KCNJ3: variants seen among roughly 807,000 people sequenced by gnomAD.
The protein encoded by KCNJ3 is G protein-activated inward rectifier potassium channel 1.
A neutral mutation model predicts 39.2 loss-of-function variants in KCNJ3; 4 were observed. The ratio of observed to expected loss-of-function variants is 0.10; its 90% CI spans 0.05 to 0.23. The LOEUF (loss-of-function observed/expected upper bound fraction) is 0.23, where lower values mean the gene tolerates loss of function less well. Ranked by LOEUF, KCNJ3 falls within the 10% of genes least tolerant of loss-of-function variation. The pLI is 1.00. For synonymous variants in KCNJ3, 230 were observed against 237.4 expected, an observed-to-expected ratio of 0.97 and a Z score of 0.29; for missense variants, 276 against 634.9, an observed-to-expected ratio of 0.43 and a Z score of 6.08.
intron 2 of KCNJ3, among the ~76,000 whole-genome samples, chr2:154,788,797 G>A (rs1300961300): frequency 1.3e-5 from 2 of 151,052 alleles, no homozygotes; most frequent in Non-Finnish European, 3.0e-5. Context: ...AAGAAACTCA[G>A]GTGTAAGAAT....
At chr2:154,732,032 T>A (rs917496255) in intron 2 of KCNJ3, among the ~76,000 whole-genome samples, 1 of 152,034 alleles carries the variant, frequency 6.6e-6, no homozygotes, top group Admixed American at 6.6e-5. Flanking sequence ...TTCCCCATAT[T>A]TGTAAATGAG....
At position 154,731,967 on chromosome 2, in the gene KCNJ3, C is replaced by T. The variant is rs1470257052; in HGVS notation, c.919+22148C>T. Among the ~76,000 whole-genome samples, 4 of 152,008 alleles carry T rather than the reference C, an allele frequency of 2.6e-5. No homozygotes were observed. In the East Asian group the frequency reaches 7.8e-4, roughly 29 times the overall value. The stretch of plus-strand genomic sequence containing the variant: ...ACGATGTGCCAGGGAAGAGACTAAA[C>T]ATGTTAAAATACACCTTTTGTTTAC... On this transcript the variant is annotated intron_variant, in intron 2 of 2. Coordinates refer to ENST00000295101, the MANE Select transcript of KCNJ3 (RefSeq NM_002239.4).
At chr2:154,790,518 T>C (rs1686611647) in intron 2 of KCNJ3, among the ~76,000 whole-genome samples, 1 of 152,116 alleles carries the variant, frequency 6.6e-6, no homozygotes, top group Non-Finnish European at 1.5e-5. Context: ...GTTGATAGGA[T>C]GATAGATACA....
intron 1 of KCNJ3, chr2:154,709,200 C>T (rs1685062670): frequency 5.1e-6 from 1 of 197,236 alleles, no homozygotes; most frequent in Admixed American, 5.3e-5. Flanking sequence ...TAACACACTC[C>T]ATAAGAATTG....
At chr2:154,797,114 G>A (rs760811151) in intron 2 of KCNJ3, among the ~76,000 whole-genome samples, 7 of 152,104 alleles carry the variant, frequency 4.6e-5, no homozygotes, top group Admixed American at 1.3e-4. Flanking sequence ...GCCATTGAGC[G>A]TTTACTGAGA....
At chr2:154,779,592 G>A (rs1272195363) in intron 2 of KCNJ3, among the ~76,000 whole-genome samples, 1 of 149,964 alleles carries the variant, frequency 6.7e-6, no homozygotes, top group African/African-American at 2.4e-5. Flanking sequence ...ATCCTAGGCT[G>A]GAGTGCAGTG....
intron 2 of KCNJ3, among the ~76,000 whole-genome samples, chr2:154,852,206 A>T (rs1296015108): frequency 6.6e-6 from 1 of 152,188 alleles, no homozygotes. Flanking sequence ...TGAAGTTTTT[A>T]AAATTAAAAA....
intron 1 of KCNJ3, chr2:154,709,271 C>A: frequency 2.9e-6 from 1 of 345,692 alleles, no homozygotes; most frequent in Non-Finnish European, 5.4e-6. Context: ...AGTTATCCTG[C>A]AGTGATTGCT....
intron 2 of KCNJ3, among the ~76,000 whole-genome samples, chr2:154,772,140 C>T (rs368472935): frequency 7.9e-5 from 12 of 152,034 alleles, no homozygotes; most frequent in African/African-American, 2.9e-4. Context: ...TGAGTGAAGC[C>T]GTAAAACAAC....
In KCNJ3 at chr2:154,857,280, G is replaced by T. The variant is rs536790956; in HGVS notation, c.*1967G>T. ...TATTTATCAGCAGTGGAAAAAAAGTGCATAGATCATTTAGTCCAAGAACTT... is the reference window on the plus strand; with the variant it reads ...TATTTATCAGCAGTGGAAAAAAAGTTCATAGATCATTTAGTCCAAGAACTT... On this transcript the variant is annotated 3_prime_UTR_variant, in exon 3 of 3. Coordinates refer to ENST00000295101, the MANE Select transcript of KCNJ3 (RefSeq NM_002239.4). The T allele has an allele frequency of 6.6e-6, 1 of 152,214 alleles. No individual in the cohort carries two copies. Among genetic ancestry groups the T allele is most frequent in the East Asian group, 1.9e-4 (1 of 5,156 alleles). 9.4% of individuals were successfully genotyped at this position (152,214 alleles called of 1,614,324 possible). A position where few individuals can be genotyped will look rare whatever the true frequency, so the allele number is the denominator to read the frequency against.
chr2:154,756,230 A>G (rs1553456951), intron 2 of KCNJ3, among the ~76,000 whole-genome samples: 1 of 152,156 alleles, frequency 6.6e-6, no homozygotes, highest in Non-Finnish European at 1.5e-5. Flanking sequence ...CTAGATAAAT[A>G]ATAATGATAA....
At chr2:154,774,772 T>C (rs1007731912) in intron 2 of KCNJ3, among the ~76,000 whole-genome samples, 3 of 152,218 alleles carry the variant, frequency 2.0e-5, no homozygotes, top group African/African-American at 7.2e-5. Flanking sequence ...GGATGTTACA[T>C]TTTTAAAGCT....
In KCNJ3 at chr2:154,699,300, C is replaced by T. The variant is rs1315915912; in HGVS notation, c.525C>T (p.Phe175=). Residue 175 remains phenylalanine, a synonymous_variant, in exon 1 of 3, where the codon TTC becomes TTT. Transcript: ENST00000295101. The surrounding 1 kb of genome is among the most constrained non-coding windows in gnomAD (Gnocchi z 6.4). ...QSILGSIVDA[F]LIGCMFIKMS... is the part of the protein sequence containing the mutation. ...TCCTGGGCTCCATCGTGGACGCCTT[C>T]CTCATCGGCTGCATGTTCATCAAGA... is the stretch of plus-strand genomic sequence containing the variant. 2 of 1,613,912 alleles carry T rather than the reference C, an allele frequency of 1.2e-6. No homozygotes were observed. The highest frequency in any genetic ancestry group is 1.7e-6 in the Non-Finnish European group (2 of 1,180,056).
At chr2:154,754,524 C>G (rs1685905273) in intron 2 of KCNJ3, among the ~76,000 whole-genome samples, 1 of 152,372 alleles carries the variant, frequency 6.6e-6, no homozygotes, top group East Asian at 1.9e-4. Context: ...ATCCACCCGC[C>G]TTGGCCTCCC....
chr2:154,793,225 A>G (rs1428954593), intron 2 of KCNJ3, among the ~76,000 whole-genome samples: 2 of 151,868 alleles, frequency 1.3e-5, no homozygotes, highest in Non-Finnish European at 2.9e-5. Flanking sequence ...TTTTTACTGT[A>G]TTTTTTCCCT....
chr2:154,803,078 T>A (rs1686847401), intron 2 of KCNJ3, among the ~76,000 whole-genome samples: 1 of 152,096 alleles, frequency 6.6e-6, no homozygotes, highest in Non-Finnish European at 1.5e-5. Flanking sequence ...AATTGTAACT[T>A]ACTGTCGCTT....
chr2:154,820,996 G>C (rs544609603), intron 2 of KCNJ3, among the ~76,000 whole-genome samples: 1 of 151,992 alleles, frequency 6.6e-6, no homozygotes, highest in Non-Finnish European at 1.5e-5. Flanking sequence ...TCTGTATCAC[G>C]TCTATGTTTT....
In KCNJ3 at chr2:154,854,723, G is replaced by T. The variant is rs769596503; in HGVS notation, c.920-4G>T. 1.3e-5 allele frequency: 21 copies of T among 1,595,108 alleles called. No individual in the cohort carries two copies. Among genetic ancestry groups the T allele is most frequent in the Non-Finnish European group, 1.8e-5 (21 of 1,167,442 alleles). ...TTTATCAAGAATTTTCTCTTTTCTT[G>T]TAGGGATGACTTGTCAAGCTCGAAC... On this transcript the variant is annotated splice_region_variant and splice_polypyrimidine_tract_variant and intron_variant, in intron 2 of 2. Transcript: ENST00000295101.
Position 154,807,005 on chromosome 2 carries a change from A to C in KCNJ3, c.920-47722A>C, listed in dbSNP as rs186318338. Among the ~76,000 whole-genome samples, 245 of 152,274 alleles carry C rather than the reference A, an allele frequency of 1.6e-3. 2 individuals carry two copies. The highest frequency in any genetic ancestry group is 5.6e-3 in the African/African-American group (231 of 41,562). ...TTGCCAGTGAGTTGAGGTGACATAAATGCCTCTGTTTCCATAATGGTGTCA... is the reference window on the plus strand; with the variant it reads ...TTGCCAGTGAGTTGAGGTGACATAACTGCCTCTGTTTCCATAATGGTGTCA... On this transcript the variant is annotated intron_variant, in intron 2 of 2. Coordinates refer to ENST00000295101, the MANE Select transcript of KCNJ3 (RefSeq NM_002239.4).
Sources: allele counts gnomAD v4.1 joint callset (sites outside exome capture counted in the v4.1 genomes callset), GRCh38; gene constraint gnomAD v4.1.1; non-coding constraint Gnocchi (gnomAD v3.1); transcripts MANE v1.5; gene names NCBI Gene and HGNC (gene_info 2026-07-23, HGNC 2026-07-21).